RNLS: variants seen among roughly 807,000 people sequenced by gnomAD.
RNLS encodes renalase, FAD dependent amine oxidase.
Under a neutral mutation model 39.8 loss-of-function variants are expected in RNLS, and 39 were observed. The ratio of observed to expected loss-of-function variants is 0.98; its 90% CI spans 0.76 to 1.28. The LOEUF is 1.28. Ranked by LOEUF, RNLS falls within the 50% of genes most tolerant of loss-of-function variation. The pLI, the probability that RNLS is intolerant of heterozygous loss-of-function variation, is 0.00. For missense variants in RNLS, 410 were observed against 413.3 expected, an observed-to-expected ratio of 0.99 and a Z score of 0.07; for synonymous variants, 147 against 150.7, an observed-to-expected ratio of 0.98 and a Z score of 0.18.
intron 4 of RNLS, among the ~76,000 whole-genome samples, chr10:88,365,594 CAT>C (rs1447268346): frequency 2.7e-5 from 4 of 150,792 alleles, no homozygotes; most frequent in African/African-American, 9.7e-5. Context: ...TTATATATAA[CAT>C]ATCTTACACA....
At chr10:88,205,288 C>G in the RNLS span, among the ~76,000 whole-genome samples, 56 of 152,168 alleles carry the variant, frequency 3.7e-4, no homozygotes, top group African/African-American at 1.3e-3. Context: ...GATATGTTTT[C>G]TACTAAGTAA....
At chr10:88,380,668 G>C (rs908979658) in intron 4 of RNLS, among the ~76,000 whole-genome samples, 1 of 152,094 alleles carries the variant, frequency 6.6e-6, no homozygotes, top group African/African-American at 2.4e-5. Flanking sequence ...ACAGGCGTGA[G>C]CCACTGTGCC....
At chr10:88,425,387 T>C (rs1854684877) in intron 4 of RNLS, among the ~76,000 whole-genome samples, 1 of 152,008 alleles carries the variant, frequency 6.6e-6, no homozygotes, top group African/African-American at 2.4e-5. Context: ...CAAATACAAA[T>C]AAAGCAAAAA....
chr10:88,543,068 T>A (rs923154453), intron 4 of RNLS, among the ~76,000 whole-genome samples: 2 of 152,126 alleles, frequency 1.3e-5, no homozygotes, highest in African/African-American at 2.4e-5. Flanking sequence ...GTGGGCTTAT[T>A]TAAATTGACC....
the RNLS span, among the ~76,000 whole-genome samples, chr10:88,198,247 G>A: frequency 6.6e-6 from 1 of 152,188 alleles, no homozygotes; most frequent in African/African-American, 2.4e-5. Context: ...AACGTGTAGA[G>A]ACCTGATGCC....
At chr10:88,577,699 G>A (rs985321453) in intron 3 of RNLS, among the ~76,000 whole-genome samples, 4 of 152,164 alleles carry the variant, frequency 2.6e-5, no homozygotes, top group Admixed American at 2.6e-4. Flanking sequence ...TTGTATTAAT[G>A]GAGAAGGCAG....
intron 4 of RNLS, among the ~76,000 whole-genome samples, chr10:88,377,896 C>T (rs993995750): frequency 2.3e-4 from 35 of 152,182 alleles, no homozygotes; most frequent in African/African-American, 8.2e-4. Context: ...TGTAATAACA[C>T]TTAGCTTAAA....
the RNLS span, among the ~76,000 whole-genome samples, chr10:88,208,596 T>C: frequency 1.3e-5 from 2 of 152,110 alleles, no homozygotes; most frequent in African/African-American, 4.8e-5. Flanking sequence ...AAAGGTAATA[T>C]TTCAATTTCA....
chr10:88,171,909 A>G, the RNLS span, among the ~76,000 whole-genome samples: 1 of 152,136 alleles, frequency 6.6e-6, no homozygotes, highest in Admixed American at 6.5e-5. Flanking sequence ...TTAACTTCAT[A>G]TGAGTGATTC....
rs143487300 is a variant in RNLS at position 88,357,607 on chromosome 10, GA to G, written c.700+4944del. Among the ~76,000 whole-genome samples the G allele has an allele frequency of 8.1e-3, 1,227 of 152,244 alleles. 20 individuals carry two copies. Among genetic ancestry groups the G allele is most frequent in the South Asian group, 0.029 (140 of 4,824 alleles). Reference sequence around the variant, plus strand: ...ACAATTTATACTAAATGTTTTAGTAGAAACTGGCTAGATGTTCACCAAATCC... The same window carrying G: ...ACAATTTATACTAAATGTTTTAGTAGAACTGGCTAGATGTTCACCAAATCC... On this transcript the variant is annotated intron_variant, in intron 5 of 6. Coordinates refer to ENST00000331772, the MANE Select transcript of RNLS (RefSeq NM_001031709.3).
intron 5 of RNLS, among the ~76,000 whole-genome samples, chr10:88,330,242 T>C (rs1382856641): frequency 6.6e-6 from 1 of 151,704 alleles, no homozygotes; most frequent in Non-Finnish European, 1.5e-5. Context: ...ATCTGAAAGA[T>C]TCTTTGTGCC....
chr10:88,301,964 C>T (rs2132960211), intron 6 of RNLS, among the ~76,000 whole-genome samples: 1 of 152,316 alleles, frequency 6.6e-6, no homozygotes, highest in Admixed American at 6.5e-5. Flanking sequence ...ACCATCAAAG[C>T]ACTGTCACCT....
At chr10:88,320,683 A>C (rs1355939382) in intron 5 of RNLS, among the ~76,000 whole-genome samples, 1 of 149,696 alleles carries the variant, frequency 6.7e-6, no homozygotes, top group African/African-American at 2.5e-5. Context: ...AAACAAACAC[A>C]TTAAAAAAAA....
intron 4 of RNLS, among the ~76,000 whole-genome samples, chr10:88,464,485 AC>A (rs1365260024): frequency 6.6e-6 from 1 of 152,138 alleles, no homozygotes; most frequent in Admixed American, 6.6e-5. Context: ...GAGCATACCT[AC>A]ATGAGCAAGT....
chr10:88,423,615 T>A (rs1213804384), intron 4 of RNLS, among the ~76,000 whole-genome samples: 2 of 152,228 alleles, frequency 1.3e-5, no homozygotes, highest in East Asian at 3.8e-4. Flanking sequence ...GATTTCAAAC[T>A]GAGGCTTTTA....
intron 4 of RNLS, among the ~76,000 whole-genome samples, chr10:88,430,657 T>G (rs890713512): frequency 2.0e-5 from 3 of 151,842 alleles, no homozygotes; most frequent in Non-Finnish European, 4.4e-5. Flanking sequence ...GAAAGTTCCC[T>G]TCTATTCCTG....
intron 4 of RNLS, among the ~76,000 whole-genome samples, chr10:88,424,125 A>G (rs1033163544): frequency 1.3e-5 from 2 of 152,262 alleles, no homozygotes. Flanking sequence ...CTACTTTGTT[A>G]ACTCTCTGAA....
intron 4 of RNLS, among the ~76,000 whole-genome samples, chr10:88,365,605 C>A (rs1342071916): frequency 2.0e-5 from 3 of 151,270 alleles, no homozygotes; most frequent in Admixed American, 1.3e-4. Context: ...ATATCTTACA[C>A]ATACATAATA....
At chr10:88,531,309 G>GAA (rs1323737268) in intron 4 of RNLS, among the ~76,000 whole-genome samples, 1 of 126,840 alleles carries the variant, frequency 7.9e-6, no homozygotes. Context: ...TTGAAGTACT[G>GAA]AAAAAAAAAA....
Sources: gnomAD v4.1 joint callset for allele counts (sites outside exome capture counted in the v4.1 genomes callset) on GRCh38, gnomAD v4.1.1 for gene constraint, MANE v1.5 for transcripts, NCBI Gene and HGNC (gene_info 2026-07-23, HGNC 2026-07-21) for gene names.